The following NAALADL2 variants were observed in gnomAD, a reference collection of about 807,000 sequenced individuals.
NAALADL2 encodes N-acetylated alpha-linked acidic dipeptidase like 2, also known as inactive N-acetylated-alpha-linked acidic dipeptidase-like protein 2.
In NAALADL2, 76 loss-of-function variants were observed where a neutral mutation model predicts 87.2. The ratio of observed to expected loss-of-function variants is 0.87; its 90% CI spans 0.72 to 1.05. The LOEUF is 1.05. Among genes scored for constraint, NAALADL2 ranks in the 50% least tolerant of loss-of-function variants. The pLI, the probability that NAALADL2 is intolerant of heterozygous loss-of-function variation, is 0.00. For missense variants in NAALADL2, 1,089 were observed against 945.8 expected (o/e 1.15, Z -1.99); for synonymous variants, 354 against 331.0 (o/e 1.07, Z -0.75).
intron 1 of NAALADL2, among the ~76,000 whole-genome samples, chr3:174,465,403 T>A (rs1716476890): frequency 6.6e-6 from 1 of 152,214 alleles, no homozygotes; most frequent in Non-Finnish European, 1.5e-5. Context: ...TCGTATTCAC[T>A]TATGTTTACT....
intron 2 of NAALADL2, among the ~76,000 whole-genome samples, chr3:175,191,327 A>C (rs1738172673): frequency 6.6e-6 from 1 of 152,236 alleles, no homozygotes; most frequent in Non-Finnish European, 1.5e-5. Context: ...AACTGAATAT[A>C]GTCAAGTAAT....
intron 2 of NAALADL2, among the ~76,000 whole-genome samples, chr3:174,713,485 T>A (rs1221958778): frequency 6.6e-6 from 1 of 152,222 alleles, no homozygotes; most frequent in Non-Finnish European, 1.5e-5. Context: ...GACTTTTTAA[T>A]GACTGCCATT....
chr3:175,479,364 A>G (rs1052392358), intron 9 of NAALADL2, among the ~76,000 whole-genome samples: 10 of 151,976 alleles, frequency 6.6e-5, no homozygotes, highest in African/African-American at 2.2e-4. Context: ...AAGGTATACA[A>G]AGTAGAACCT....
At chr3:174,643,170 A>G (rs1439743000) in intron 2 of NAALADL2, among the ~76,000 whole-genome samples, 1 of 152,174 alleles carries the variant, frequency 6.6e-6, no homozygotes, top group Non-Finnish European at 1.5e-5. Flanking sequence ...ATAATGCCAG[A>G]CACTATTTTC....
At chr3:174,812,188 T>A (rs1720289983) in intron 3 of NAALADL2, among the ~76,000 whole-genome samples, 1 of 152,146 alleles carries the variant, frequency 6.6e-6, no homozygotes, top group Admixed American at 6.6e-5. Context: ...ACAAATTGCT[T>A]ATTGTTCTGA....
At chr3:174,873,608 G>A (rs993322504) in intron 1 of NAALADL2, among the ~76,000 whole-genome samples, 5 of 151,854 alleles carry the variant, frequency 3.3e-5, no homozygotes, top group Non-Finnish European at 7.4e-5. Context: ...GGAATAATAT[G>A]CCTTTGCCAG....
At chr3:175,281,665 A>G (rs1754327774) in intron 4 of NAALADL2, among the ~76,000 whole-genome samples, 1 of 152,010 alleles carries the variant, frequency 6.6e-6, no homozygotes, top group African/African-American at 2.4e-5. Flanking sequence ...AATGTATGCG[A>G]TTAAATTTTT....
At chr3:174,896,518 G>A (rs1202187423) in intron 1 of NAALADL2, among the ~76,000 whole-genome samples, 1 of 151,804 alleles carries the variant, frequency 6.6e-6, no homozygotes, top group African/African-American at 2.4e-5. Flanking sequence ...AAATAGAAGA[G>A]GACACCACAA....
chr3:175,799,861 GCTT>G (rs2108342514), intron 13 of NAALADL2, among the ~76,000 whole-genome samples: 1 of 152,062 alleles, frequency 6.6e-6, no homozygotes, highest in African/African-American at 2.4e-5. Context: ...GGTTGATATG[GCTT>G]CTTCTGAAAA....
chr3:174,604,790 A>G (rs1718827034), intron 2 of NAALADL2, among the ~76,000 whole-genome samples: 1 of 140,752 alleles, frequency 7.1e-6, no homozygotes, highest in Non-Finnish European at 1.5e-5. Flanking sequence ...TTTTTTTGAG[A>G]TGGAATCTCA....
intron 1 of NAALADL2, among the ~76,000 whole-genome samples, chr3:175,041,832 A>ATGTTTT (rs1754108379): frequency 1.3e-5 from 2 of 152,162 alleles, no homozygotes; most frequent in African/African-American, 2.4e-5. Flanking sequence ...TTCGAAAGGT[A>ATGTTTT]CAATGTATAT....
chr3:174,683,287 C>G (rs1169798506), intron 2 of NAALADL2, among the ~76,000 whole-genome samples: 1 of 151,884 alleles, frequency 6.6e-6, no homozygotes, highest in Non-Finnish European at 1.5e-5. Context: ...AAGGGCAAAT[C>G]TAAGAATTAT....
chr3:174,878,844 A>T (rs1728839206), intron 1 of NAALADL2, among the ~76,000 whole-genome samples: 2 of 152,016 alleles, frequency 1.3e-5, no homozygotes, highest in Admixed American at 1.3e-4. Flanking sequence ...GGGCCATGTG[A>T]TTATTTGTCA....
At chr3:174,531,546 G>T (rs987132530) in intron 1 of NAALADL2, among the ~76,000 whole-genome samples, 9 of 152,154 alleles carry the variant, frequency 5.9e-5, no homozygotes, top group Non-Finnish European at 1.3e-4. Flanking sequence ...TCAATCTTTT[G>T]TGAGGATTTT....
intron 10 of NAALADL2, chr3:175,581,239 C>A: frequency 3.6e-6 from 1 of 280,978 alleles, no homozygotes; most frequent in South Asian, 3.0e-5. Context: ...GTCAGGAGAT[C>A]GAGACCAACC....
chr3:174,985,073 C>CA (rs1745671446), intron 1 of NAALADL2, among the ~76,000 whole-genome samples: 1 of 152,192 alleles, frequency 6.6e-6, no homozygotes, highest in Non-Finnish European at 1.5e-5. Context: ...TGGTTCAGAT[C>CA]ATACTTCCAT....
At chr3:174,830,821 A>G (rs575511775) in intron 3 of NAALADL2, among the ~76,000 whole-genome samples, 1 of 152,128 alleles carries the variant, frequency 6.6e-6, no homozygotes, top group East Asian at 1.9e-4. Context: ...GAGGTCCTTC[A>G]CATCCCTTGT....
intron 2 of NAALADL2, among the ~76,000 whole-genome samples, chr3:174,661,315 A>G (rs2108778760): frequency 6.6e-6 from 1 of 152,194 alleles, no homozygotes; most frequent in East Asian, 1.9e-4. Context: ...TATTTTGAAT[A>G]GTTTTTATAA....
At chr3:174,528,246 T>G (rs1578093467) in intron 1 of NAALADL2, among the ~76,000 whole-genome samples, 1 of 152,230 alleles carries the variant, frequency 6.6e-6, no homozygotes, top group Non-Finnish European at 1.5e-5. Flanking sequence ...GTTTCATATA[T>G]GTTAGTCTTT....
Sources: gnomAD v4.1 joint callset for allele counts (sites outside exome capture counted in the v4.1 genomes callset) on GRCh38, gnomAD v4.1.1 for gene constraint, MANE v1.5 for transcripts, NCBI Gene and HGNC (gene_info 2026-07-23, HGNC 2026-07-21) for gene names.